COL25A1: variants seen among roughly 807,000 people sequenced by gnomAD.
COL25A1 encodes the protein collagen alpha-1(XXV) chain.
A neutral mutation model predicts 128.4 loss-of-function variants in COL25A1; 103 were observed. That is an observed-to-expected ratio of 0.80 (90% CI 0.68 to 0.94). The LOEUF (loss-of-function observed/expected upper bound fraction) is 0.94. COL25A1 is among the 40% of genes least tolerant of loss of function. The probability of loss-of-function intolerance (pLI) is 0.00; values close to 1 mark genes in which losing one functional copy is unlikely to be tolerated. For synonymous variants in COL25A1, 279 were observed against 277.2 expected (o/e 1.01, Z -0.06); for missense variants, 745 against 840.0 (o/e 0.89, Z 1.40).
Position 108,940,586 on chromosome 4 carries a change from G to C in COL25A1, c.625C>G (p.Pro209Ala), listed in dbSNP as rs755561316. 6.2e-7 allele frequency: 1 copy of C among 1,613,366 alleles called. No homozygotes were observed. The highest frequency in any genetic ancestry group is 8.5e-7 in the Non-Finnish European group (1 of 1,179,586). ...PPGPPGPRGP[P>A]GDTGKDGPRG... ...GGGCCATCTTTCCCTGTGTCCCCAG[G>C]TGGCCCTCTTGGGCCTGGAGGGCCA... The change falls in exon 10 of 38, where the codon CCT (proline) becomes GCT (alanine). Residue 209 changes from proline to alanine, a missense_variant. Physicochemically the swap from Pro to Ala is conservative, Grantham distance 27. Around this residue, in one of 3 missense-constraint regions of COL25A1, gnomAD observed 319 missense variants for 324.9 expected, o/e 0.98. Coordinates refer to ENST00000399132, the MANE Select transcript of COL25A1 (RefSeq NM_198721.4).
At chr4:109,149,198 A>AAT (rs1339458564) in intron 3 of COL25A1, among the ~76,000 whole-genome samples, 1 of 152,222 alleles carries the variant, frequency 6.6e-6, no homozygotes, top group African/African-American at 2.4e-5. Flanking sequence ...TGTGGAGTCA[A>AAT]ATCACTTTGC....
intron 3 of COL25A1, among the ~76,000 whole-genome samples, chr4:109,294,171 G>T (rs1724741865): frequency 6.6e-6 from 1 of 152,104 alleles, no homozygotes; most frequent in Non-Finnish European, 1.5e-5. Flanking sequence ...TAACTGGGAA[G>T]GAGGCAGAAG....
intron 3 of COL25A1, among the ~76,000 whole-genome samples, chr4:109,291,441 A>G (rs1724469435): frequency 6.6e-6 from 1 of 152,094 alleles, no homozygotes; most frequent in African/African-American, 2.4e-5. Flanking sequence ...ATACACAACC[A>G]AAAATCAAAT....
At chr4:108,879,182 T>A (rs777234376) in intron 19 of COL25A1, among the ~76,000 whole-genome samples, 2 of 152,194 alleles carry the variant, frequency 1.3e-5, no homozygotes, top group African/African-American at 2.4e-5. Flanking sequence ...CAAGAATGAT[T>A]TCATATGCTG....
chr4:109,162,313 A>G (rs2126119496), intron 3 of COL25A1, among the ~76,000 whole-genome samples: 1 of 152,270 alleles, frequency 6.6e-6, no homozygotes, highest in South Asian at 2.1e-4. Flanking sequence ...GAGAACTGCA[A>G]GTAGTTGTAA....
At chr4:109,001,751 C>T (rs895102461) in intron 6 of COL25A1, among the ~76,000 whole-genome samples, 1 of 152,152 alleles carries the variant, frequency 6.6e-6, no homozygotes, top group Non-Finnish European at 1.5e-5. Context: ...CTCCATTGAA[C>T]CTGGAGATTA....
At chr4:108,818,403 C>G (rs374031796) in intron 36 of COL25A1, among the ~76,000 whole-genome samples, 1 of 151,930 alleles carries the variant, frequency 6.6e-6, no homozygotes, top group Admixed American at 6.6e-5. Flanking sequence ...TAACCATCAA[C>G]GCAAACATAA....
At chr4:108,832,332 C>T (rs1733222103) in intron 32 of COL25A1, 48 bp downstream of exon 32, 2 of 1,310,660 alleles carry the variant, frequency 1.5e-6, no homozygotes, top group Non-Finnish European at 2.2e-6. Context: ...AAAAGCCATG[C>T]TCTGTGTTTT....
intron 11 of COL25A1, among the ~76,000 whole-genome samples, chr4:108,924,631 G>A (rs528394094): frequency 9.2e-5 from 14 of 152,254 alleles, no homozygotes; most frequent in African/African-American, 2.9e-4. Context: ...CTTAGCTAAC[G>A]TAACGTTCAC....
At chr4:108,925,246 G>A (rs897698379) in intron 11 of COL25A1, among the ~76,000 whole-genome samples, 1 of 151,924 alleles carries the variant, frequency 6.6e-6, no homozygotes, top group Non-Finnish European at 1.5e-5. Flanking sequence ...AATGTAGTAA[G>A]ACAGTAAACA....
intron 5 of COL25A1, among the ~76,000 whole-genome samples, chr4:109,020,408 C>G (rs887428076): frequency 5.3e-5 from 8 of 150,866 alleles, no homozygotes; most frequent in South Asian, 4.2e-4. Flanking sequence ...ATATTCTACT[C>G]CAGAGGAAAA....
chr4:109,069,390 T>G (rs945032100), intron 3 of COL25A1, among the ~76,000 whole-genome samples: 2 of 151,996 alleles, frequency 1.3e-5, no homozygotes, highest in Non-Finnish European at 2.9e-5. Flanking sequence ...TTATTTTTAT[T>G]TTTAGTAGAC....
At chr4:108,975,614 A>C (rs372866107) in intron 6 of COL25A1, among the ~76,000 whole-genome samples, 54 of 152,206 alleles carry the variant, frequency 3.5e-4, no homozygotes, top group African/African-American at 1.2e-3. Context: ...GATTCTTAAC[A>C]ATTTAAGCCC....
chr4:109,061,879 G>A (rs1489238972), intron 3 of COL25A1, among the ~76,000 whole-genome samples: 1 of 152,058 alleles, frequency 6.6e-6, no homozygotes, highest in Non-Finnish European at 1.5e-5. Flanking sequence ...GCACTTTACT[G>A]CTGCTATATC....
In COL25A1 at chr4:109,260,811, T is replaced by C. The variant is rs1015533780; in HGVS notation, c.367+39772A>G. 4.6e-5 allele frequency among the ~76,000 whole-genome samples: 7 copies of C among 152,006 alleles called. No homozygotes were observed. In the East Asian group the frequency reaches 1.2e-3, roughly 25 times the overall value. Reference sequence around the variant, plus strand: ...ACACCTGGCCATATACTGGTTTTTGTATATAATAAAAGTTTTATATTAATT... The same window carrying C: ...ACACCTGGCCATATACTGGTTTTTGCATATAATAAAAGTTTTATATTAATT... On this transcript the variant is annotated intron_variant, in intron 3 of 37. Transcript: ENST00000399132.
intron 3 of COL25A1, among the ~76,000 whole-genome samples, chr4:109,194,322 ACAGTGTTAAT>A (rs558324061): frequency 5.8e-4 from 89 of 152,322 alleles, no homozygotes; most frequent in African/African-American, 2.1e-3. Flanking sequence ...CATATTCCAC[ACAGTGTTAAT>A]CATAGTGTCA....
intron 3 of COL25A1, among the ~76,000 whole-genome samples, chr4:109,275,368 G>A (rs148242303): frequency 1.2e-4 from 19 of 152,094 alleles, no homozygotes; most frequent in Non-Finnish European, 1.5e-4. Flanking sequence ...TTGAACTGAC[G>A]GCTATGTGAC....
intron 35 of COL25A1, among the ~76,000 whole-genome samples, chr4:108,822,580 C>T (rs974155734): frequency 6.6e-6 from 1 of 151,916 alleles, no homozygotes; most frequent in Non-Finnish European, 1.5e-5. Context: ...CCATGCCCCA[C>T]CATATTTTTT....
At chr4:109,027,336 A>C (rs1455011660) in intron 5 of COL25A1, among the ~76,000 whole-genome samples, 1 of 152,184 alleles carries the variant, frequency 6.6e-6, no homozygotes, top group Non-Finnish European at 1.5e-5. Context: ...ATGCTCTGTA[A>C]GATGGAGGTG....
Sources: allele counts gnomAD v4.1 joint callset (sites outside exome capture counted in the v4.1 genomes callset), GRCh38; gene constraint gnomAD v4.1.1; regional missense constraint gnomAD v4.1.1; transcripts MANE v1.5; gene names NCBI Gene and HGNC (gene_info 2026-07-23, HGNC 2026-07-21).